Variants in TENM4 observed in about 807,000 individuals in gnomAD.
TENM4 encodes the protein teneurin-4.
Under a neutral mutation model 243.3 loss-of-function variants are expected in TENM4, and 82 were observed. The observed-to-expected ratio is 0.34, with a 90% CI of 0.28 to 0.40. The LOEUF is 0.40. Ranked by LOEUF, TENM4 falls within the 10% of genes least tolerant of loss-of-function variation. TENM4 has a pLI of 1.00. For synonymous variants in TENM4, 1,412 were observed against 1,456.3 expected, an observed-to-expected ratio of 0.97 and a Z score of 0.69; for missense variants, 3,138 against 3,673.3, an observed-to-expected ratio of 0.85 and a Z score of 3.77.
chr11:79,436,631 C>T (rs1285132625), intron 1 of TENM4, among the ~76,000 whole-genome samples: 2 of 152,210 alleles, frequency 1.3e-5, no homozygotes, highest in African/African-American at 4.8e-5. Context: ...ACTCCACTCA[C>T]TATAGAACTA....
intron 4 of TENM4, among the ~76,000 whole-genome samples, chr11:79,138,989 TAAATATATA>T (rs1246257289): frequency 3.9e-5 from 2 of 51,248 alleles, no homozygotes; most frequent in Admixed American, 3.1e-4. Flanking sequence ...TATATTTCTA[TAAATATATA>T]AAATATATAT....
At chr11:79,102,618 C>T (rs998728859) in intron 4 of TENM4, among the ~76,000 whole-genome samples, 10 of 152,210 alleles carry the variant, frequency 6.6e-5, no homozygotes, top group Non-Finnish European at 1.0e-4. Context: ...TGGTGCCTTG[C>T]ACACCGTAAG....
rs563216795 is a variant in TENM4, at chr11:78,676,582, A to T, written c.5261-195T>A. On this transcript the variant is annotated intron_variant, in intron 29 of 33. Coordinates refer to ENST00000278550, the MANE Select transcript of TENM4 (RefSeq NM_001098816.3). ...CTCCATATCCAAAGAAAACCATTGT[A>T]AATATTTTGTATGTTTGTAGATTTT... 1.2e-4 allele frequency among the ~76,000 whole-genome samples: 18 copies of T among 152,352 alleles called. No homozygotes were observed. The South Asian group carries it at 3.5e-3, about 30-fold the overall frequency.
chr11:79,287,199 G>A (rs559806506), intron 2 of TENM4, among the ~76,000 whole-genome samples: 40 of 152,164 alleles, frequency 2.6e-4, no homozygotes, highest in Non-Finnish European at 4.3e-4. Context: ...GAGTGTTCTC[G>A]TTTTATAAAA....
intron 3 of TENM4, among the ~76,000 whole-genome samples, chr11:79,198,684 C>T (rs1446722835): frequency 1.3e-5 from 2 of 152,224 alleles, no homozygotes; most frequent in Non-Finnish European, 2.9e-5. Flanking sequence ...AGCCCTGCTT[C>T]CATGCACTTA....
intron 7 of TENM4, among the ~76,000 whole-genome samples, chr11:78,891,995 GTATTTC>G (rs1855679087): frequency 6.6e-6 from 1 of 152,172 alleles, no homozygotes; most frequent in Non-Finnish European, 1.5e-5. Flanking sequence ...CTGAGGATCT[GTATTTC>G]TCCCAGGCCC....
intron 2 of TENM4, among the ~76,000 whole-genome samples, chr11:79,258,369 C>T (rs547282766): frequency 6.6e-6 from 1 of 152,292 alleles, no homozygotes; most frequent in East Asian, 1.9e-4. Flanking sequence ...TACTTTCTTC[C>T]ATTTTCCAGC....
chr11:79,116,044 C>T (rs1861611989), intron 4 of TENM4, among the ~76,000 whole-genome samples: 1 of 152,096 alleles, frequency 6.6e-6, no homozygotes, highest in Admixed American at 6.5e-5. Context: ...GGCAATAGGA[C>T]CTGAAGACAC....
chr11:79,252,114 G>A (rs1251699345), intron 2 of TENM4, among the ~76,000 whole-genome samples: 1 of 152,212 alleles, frequency 6.6e-6, no homozygotes, highest in African/African-American at 2.4e-5. Context: ...GTTTTCTTTT[G>A]CTTTCTGAAG....
intron 12 of TENM4, 137 bp from the exon 13 acceptor site, chr11:78,814,532 G>C: frequency 1.5e-6 from 1 of 674,702 alleles, no homozygotes; most frequent in Non-Finnish European, 2.6e-6. Flanking sequence ...AATGAATGGA[G>C]TTAAAATTCT....
chr11:78,672,978 A>G (rs1418983157), intron 30 of TENM4, among the ~76,000 whole-genome samples: 1 of 151,938 alleles, frequency 6.6e-6, no homozygotes, highest in Non-Finnish European at 1.5e-5. Context: ...TACCCAAGAC[A>G]TATTCTTCCC....
At chr11:79,147,624 G>A (rs1411924458) in intron 4 of TENM4, among the ~76,000 whole-genome samples, 2 of 151,978 alleles carry the variant, frequency 1.3e-5, no homozygotes, top group Admixed American at 6.6e-5. Context: ...TCTGGCTAAA[G>A]GTAAGTAGTT....
chr11:78,861,859 G>A, intron 10 of TENM4, among the ~76,000 whole-genome samples: 1 of 152,224 alleles, frequency 6.6e-6, no homozygotes, highest in East Asian at 1.9e-4. Flanking sequence ...AAGGGTCACA[G>A]GGAGAGAAAG....
At chr11:78,739,902 T>C (rs767043115) in intron 19 of TENM4, among the ~76,000 whole-genome samples, 10 of 152,156 alleles carry the variant, frequency 6.6e-5, no homozygotes, top group Non-Finnish European at 1.3e-4. Flanking sequence ...AAGCAGGTGA[T>C]AGAGGCAGGA....
intron 2 of TENM4, among the ~76,000 whole-genome samples, chr11:79,226,549 A>T (rs1463335161): frequency 6.6e-6 from 1 of 152,226 alleles, no homozygotes; most frequent in Non-Finnish European, 1.5e-5. Context: ...GCAGAGCAGA[A>T]GATCATTGTT....
intron 2 of TENM4, among the ~76,000 whole-genome samples, chr11:79,295,050 G>A (rs1417453060): frequency 4.6e-5 from 7 of 152,158 alleles, no homozygotes; most frequent in Non-Finnish European, 1.0e-4. Flanking sequence ...CCATACCCCA[G>A]GGAGTGCATT....
At chr11:78,710,021 A>G (rs1859360654) in intron 26 of TENM4, among the ~76,000 whole-genome samples, 1 of 152,236 alleles carries the variant, frequency 6.6e-6, no homozygotes, top group East Asian at 1.9e-4. Context: ...GCAGCACAAG[A>G]AAGGACAGAC....
Position 78,669,269 on chromosome 11 carries a change from G to A in TENM4, c.7076C>T (p.Ala2359Val). The A allele has an allele frequency of 6.2e-7, 1 of 1,614,024 alleles. No individual in the cohort carries two copies. The highest frequency in any genetic ancestry group is 8.5e-7 in the Non-Finnish European group (1 of 1,179,898). Residue 2359 changes from alanine to valine, a missense_variant, in exon 32 of 34, where the codon GCT becomes GTT. Around this residue, in one of 2 missense-constraint regions of TENM4, gnomAD observed 2,467 missense variants for 3,059.1 expected, o/e 0.81. Coordinates refer to ENST00000278550, the MANE Select transcript of TENM4 (RefSeq NM_001098816.3). The surrounding 1 kb of genome is among the most constrained non-coding windows in gnomAD (Gnocchi z 6.4). ...ELSSGDEFYI[A>V]CDNIGTPLAV... ...AAGAGGGGTCCCGATGTTGTCACAAGCTATGTAAAACTCATCACCACTGCT... is the reference window on the plus strand; with the variant it reads ...AAGAGGGGTCCCGATGTTGTCACAAACTATGTAAAACTCATCACCACTGCT...
At chr11:79,015,509 T>C (rs145822794) in intron 6 of TENM4, among the ~76,000 whole-genome samples, 7 of 151,934 alleles carry the variant, frequency 4.6e-5, no homozygotes, top group Middle Eastern at 3.4e-3. Flanking sequence ...TGTGTGTGTG[T>C]ATGTATTCTA....
Sources: allele counts gnomAD v4.1 joint callset (sites outside exome capture counted in the v4.1 genomes callset), GRCh38; gene constraint gnomAD v4.1.1; regional missense constraint gnomAD v4.1.1; non-coding constraint Gnocchi (gnomAD v3.1); transcripts MANE v1.5; gene names NCBI Gene and HGNC (gene_info 2026-07-23, HGNC 2026-07-21).